PTK7: variants seen among roughly 807,000 people sequenced by gnomAD.
PTK7 encodes the protein protein tyrosine kinase 7 (inactive), also known as inactive tyrosine-protein kinase 7.
In PTK7, 39 loss-of-function variants were observed where a neutral mutation model predicts 116.6. The ratio of observed to expected loss-of-function variants is 0.33; its 90% CI spans 0.26 to 0.44. The LOEUF (loss-of-function observed/expected upper bound fraction) is 0.44, where lower values mean the gene tolerates loss of function less well. Ranked by LOEUF, PTK7 falls within the 20% of genes least tolerant of loss-of-function variation. The pLI is 1.00. For missense variants in PTK7, 1,169 were observed against 1,425.6 expected, an observed-to-expected ratio of 0.82 and a Z score of 2.90; for synonymous variants, 546 against 563.6, an observed-to-expected ratio of 0.97 and a Z score of 0.44.
At position 43,143,422 on chromosome 6, in the gene PTK7, C is replaced by G. The variant is rs1259962645; in HGVS notation, c.2053C>G (p.Pro685Ala). 1 of 1,613,726 alleles carries G rather than the reference C, an allele frequency of 6.2e-7. No homozygotes were observed. Among genetic ancestry groups the G allele is most frequent in the South Asian group, 1.1e-5 (1 of 91,076 alleles). ...TEAPLYVVDK[P>A]VPEESEGPGS... is the part of the protein sequence containing the mutation. ...CCCATCTGTGTGTCTCTCAGACAAG[C>G]CTGTGCCGGAGGAGTCGGAGGGCCC... is the stretch of plus-strand genomic sequence containing the variant. Residue 685 changes from proline (P) to alanine (A), a missense_variant, in exon 14 of 20, where the codon CCT (proline) becomes GCT (alanine). Coordinates refer to ENST00000230419, the MANE Select transcript of PTK7 (RefSeq NM_002821.5). The surrounding 1 kb of genome is among the most constrained non-coding windows in gnomAD (Gnocchi z 4.2).
intron 1 of PTK7, among the ~76,000 whole-genome samples, chr6:43,126,308 A>G (rs1769284843): frequency 6.6e-6 from 1 of 152,114 alleles, no homozygotes; most frequent in Non-Finnish European, 1.5e-5. Context: ...TGGCAGAGTA[A>G]GTAAGACTCC....
At position 43,128,957 on chromosome 6, in the gene PTK7, T is replaced by C. The variant is rs1769463460; in HGVS notation, c.80-20T>C. On this transcript the variant is annotated intron_variant, in intron 1 of 19. Coordinates refer to ENST00000230419, the MANE Select transcript of PTK7 (RefSeq NM_002821.5). ...CTGCAGCTCCCCCTGACCCTGCCTC[T>C]CCCCTGTTTGCATCTACAGGTACCC... 6.3e-7 allele frequency: 1 copy of C among 1,583,784 alleles called. No individual in the cohort carries two copies. Among genetic ancestry groups the C allele is most frequent in the Admixed American group, 1.7e-5 (1 of 58,162 alleles).
chr6:43,100,536 T>G (rs1333436741), intron 1 of PTK7, among the ~76,000 whole-genome samples: 1 of 118,174 alleles, frequency 8.5e-6, no homozygotes, highest in African/African-American at 3.9e-5. Context: ...TGATTTTATA[T>G]GCATTTTTGT....
chr6:43,100,734 G>A lies in PTK7; in HGVS notation c.79+24167G>A, dbSNP rs566232290. ...TATATTCAGAGTACTCTACAAATTTGTGTGTATGTGTTTGTGTGGTTACCA... is the reference window on the plus strand; with the variant it reads ...TATATTCAGAGTACTCTACAAATTTATGTGTATGTGTTTGTGTGGTTACCA... On this transcript the variant is annotated intron_variant, in intron 1 of 19. Coordinates refer to ENST00000230419, the MANE Select transcript of PTK7 (RefSeq NM_002821.5). Among the ~76,000 whole-genome samples the A allele has an allele frequency of 3.3e-5, 5 of 152,228 alleles. No homozygotes were observed. In the South Asian group the frequency reaches 8.3e-4, roughly 25 times the overall value.
intron 13 of PTK7, 53 bp downstream of exon 13, chr6:43,142,352 G>A: frequency 6.2e-7 from 1 of 1,612,604 alleles, no homozygotes. Flanking sequence ...CCAGACGTTT[G>A]TCACCTTGTA....
At chr6:43,078,159 G>A (rs1479609824) in intron 1 of PTK7, among the ~76,000 whole-genome samples, 1 of 152,164 alleles carries the variant, frequency 6.6e-6, no homozygotes, top group East Asian at 1.9e-4. Context: ...TGAAGATGGG[G>A]CTCTTGCTCA....
intron 1 of PTK7, among the ~76,000 whole-genome samples, chr6:43,079,890 C>A (rs1173160501): frequency 6.8e-6 from 1 of 147,984 alleles, no homozygotes; most frequent in African/African-American, 2.5e-5. Flanking sequence ...GAGACCTCCA[C>A]CTGTACAAAA....
Position 43,130,563 on chromosome 6 carries a change from G to T in PTK7, c.714G>T (p.Arg238Ser), listed in dbSNP as rs546844906. Residue 238 changes from arginine (R) to serine (S), a missense_variant, in exon 5 of 20, where the codon AGG (arginine) becomes AGT (serine). Arg to Ser is a moderately radical substitution (Grantham distance 110). Around this residue, in one of 3 missense-constraint regions of PTK7, gnomAD observed 487 missense variants for 549.8 expected, o/e 0.89. Coordinates refer to ENST00000230419, the MANE Select transcript of PTK7 (RefSeq NM_002821.5). ...VLAPQDVVVA[R>S]YEEAMFHCQF... ...CACCCCAGGACGTGGTAGTAGCGAG[G>T]TATGAGGAGGCCATGTTCCATTGCC... 1.2e-6 allele frequency: 2 copies of T among 1,614,152 alleles called. No individual in the cohort carries two copies. The highest frequency in any genetic ancestry group is 1.3e-5 in the African/African-American group (1 of 75,042).
At chr6:43,126,357 T>C (rs752086821) in intron 1 of PTK7, among the ~76,000 whole-genome samples, 2 of 151,834 alleles carry the variant, frequency 1.3e-5, no homozygotes, top group Non-Finnish European at 2.9e-5. Flanking sequence ...TTTTGGTGAG[T>C]CACATTTGCA....
intron 1 of PTK7, among the ~76,000 whole-genome samples, chr6:43,125,114 G>A (rs1332930979): frequency 2.0e-5 from 3 of 152,150 alleles, no homozygotes; most frequent in East Asian, 1.9e-4. Flanking sequence ...GGAGGTTGCC[G>A]TGAGCTGAGA....
At chr6:43,157,364 A>ATATTTT (rs70990168) in intron 17 of PTK7, among the ~76,000 whole-genome samples, 5 of 54,366 alleles carry the variant, frequency 9.2e-5, no homozygotes, top group South Asian at 8.0e-4. Context: ...ATATATATAT[A>ATATTTT]TTTTTTTTTT....
intron 1 of PTK7, among the ~76,000 whole-genome samples, chr6:43,116,651 T>TGTGCGCGCGCGCGC (rs1323606377): frequency 2.6e-5 from 2 of 77,214 alleles, no homozygotes; most frequent in African/African-American, 1.3e-4. Context: ...TGTGTGTGTG[T>TGTGCGCGCGCGCGC]GCGCGCGCAC....
chr6:43,115,918 A>C (rs1582123631), intron 1 of PTK7, among the ~76,000 whole-genome samples: 1 of 114,850 alleles, frequency 8.7e-6, no homozygotes, highest in Non-Finnish European at 1.7e-5. Flanking sequence ...ACAGAACAAG[A>C]CTCCATCTCA....
At chr6:43,136,440 G>A (rs1448864977) in intron 7 of PTK7, among the ~76,000 whole-genome samples, 1 of 152,200 alleles carries the variant, frequency 6.6e-6, no homozygotes, top group African/African-American at 2.4e-5. Flanking sequence ...CGTCTACCTG[G>A]TGTGCTATCG....
At chr6:43,146,303 A>G (rs1340043932) in intron 16 of PTK7, 1 of 217,226 alleles carries the variant, frequency 4.6e-6, no homozygotes, top group East Asian at 9.7e-5. Context: ...CTTTGAGGGC[A>G]GAGGGTAGGG....
intron 1 of PTK7, among the ~76,000 whole-genome samples, chr6:43,117,108 G>A (rs911634870): frequency 6.6e-6 from 1 of 152,212 alleles, no homozygotes; most frequent in Middle Eastern, 3.4e-3. Context: ...ACAATCAGGC[G>A]TGAGCCACCA....
At chr6:43,117,159 C>T (rs1385613270) in intron 1 of PTK7, among the ~76,000 whole-genome samples, 1 of 152,114 alleles carries the variant, frequency 6.6e-6, no homozygotes, top group African/African-American at 2.4e-5. Flanking sequence ...TCTGTTCCGC[C>T]ACCTGTTTAA....
At chr6:43,094,274 C>T (rs1345846625) in intron 1 of PTK7, among the ~76,000 whole-genome samples, 2 of 152,130 alleles carry the variant, frequency 1.3e-5, no homozygotes, top group African/African-American at 2.4e-5. Context: ...GCCTTAGATT[C>T]CCTGCCTGCA....
intron 1 of PTK7, among the ~76,000 whole-genome samples, chr6:43,079,974 T>C (rs548960966): frequency 4.2e-4 from 63 of 150,146 alleles, no homozygotes; most frequent in African/African-American, 1.5e-3. Context: ...GGTGGGAGTA[T>C]TGCCTGAGCC....
Sources: allele counts gnomAD v4.1 joint callset (sites outside exome capture counted in the v4.1 genomes callset), GRCh38; gene constraint gnomAD v4.1.1; regional missense constraint gnomAD v4.1.1; non-coding constraint Gnocchi (gnomAD v3.1); transcripts MANE v1.5; gene names NCBI Gene and HGNC (gene_info 2026-07-23, HGNC 2026-07-21).